The following SMARCB1 variants were observed in gnomAD, a reference collection of about 807,000 sequenced individuals.
SMARCB1 encodes SWI/SNF related BAF chromatin remodeling complex subunit B1, also known as SWI/SNF-related matrix-associated actin-dependent regulator of chromatin subfamily B member 1.
A neutral mutation model predicts 49.0 loss-of-function variants in SMARCB1; 5 were observed. That is an observed-to-expected ratio of 0.10 (90% CI 0.05 to 0.21). SMARCB1 has a LOEUF of 0.21. Ranked by LOEUF, SMARCB1 falls within the 10% of genes least tolerant of loss-of-function variation. SMARCB1 has a pLI of 1.00. For synonymous variants in SMARCB1, 201 were observed against 200.1 expected (o/e 1.00, Z -0.04); for missense variants, 226 against 509.2 (o/e 0.44, Z 5.35).
intron 6 of SMARCB1, chr22:23,817,627 A>C (rs1327442238): frequency 1.3e-5 from 2 of 152,746 alleles, no homozygotes; most frequent in Admixed American, 6.5e-5. Context: ...AGGGTTCCTG[A>C]AAATAGTCTT....
At chr22:23,787,618 C>T (rs140066177) in intron 1 of SMARCB1, among the ~76,000 whole-genome samples, 6 of 152,240 alleles carry the variant, frequency 3.9e-5, no homozygotes, top group African/African-American at 9.6e-5. Context: ...TGCCTTTGAC[C>T]CTTTTTAGAT....
rs372138437 is a variant in SMARCB1, at chr22:23,836,974, G to A, written c.*2794G>A. The A allele has an allele frequency of 4.2e-5, 68 of 1,603,342 alleles. No individual in the cohort carries two copies. Among genetic ancestry groups the A allele is most frequent in the Middle Eastern group, 3.3e-4 (2 of 5,978 alleles). On this transcript the variant is annotated 3_prime_UTR_variant, in exon 9 of 9. Transcript: ENST00000644036. ...CCAGGAGCAGCTTTCTGTGGGGAGGGGCCCGTGTTGAGCACAGGCCAGCAC... is the reference window on the plus strand; with the variant it reads ...CCAGGAGCAGCTTTCTGTGGGGAGGAGCCCGTGTTGAGCACAGGCCAGCAC...
At chr22:23,790,580 C>T (rs943235142) in intron 1 of SMARCB1, among the ~76,000 whole-genome samples, 3 of 152,096 alleles carry the variant, frequency 2.0e-5, no homozygotes, top group African/African-American at 7.2e-5. Context: ...ATGTGGCTCA[C>T]ACCCGTAATC....
intron 3 of SMARCB1, among the ~76,000 whole-genome samples, chr22:23,797,679 G>A (rs5760025): frequency 0.59 from 83,571 of 141,892 alleles, 27,457 homozygotes; most frequent in Non-Finnish European, 0.72. Flanking sequence ...GTGAAGTGGC[G>A]GGATCTCAGC....
At chr22:23,812,865 A>AT (rs34368167) in intron 5 of SMARCB1, among the ~76,000 whole-genome samples, 92,222 of 137,722 alleles carry the variant, frequency 0.67, 32,593 homozygotes, top group Non-Finnish European at 0.8. Flanking sequence ...TCCTGTTGCT[A>AT]TTTTTTTTTT....
chr22:23,805,188 C>G (rs1431119335), intron 5 of SMARCB1, among the ~76,000 whole-genome samples: 1 of 152,200 alleles, frequency 6.6e-6, no homozygotes, highest in Non-Finnish European at 1.5e-5. Flanking sequence ...GTGCCGGGTG[C>G]TTGTCCCGTA....
chr22:23,837,196 C>T lies in SMARCB1; in HGVS notation c.*3016C>T. On this transcript the variant is annotated 3_prime_UTR_variant, in exon 9 of 9. Transcript: ENST00000644036. Reference sequence around the variant, plus strand: ...GACTGTGGGGTCACCCTCCACAGCCCAGAGTCCTAGACCAGCAGAGCCTGC... The same window carrying T: ...GACTGTGGGGTCACCCTCCACAGCCTAGAGTCCTAGACCAGCAGAGCCTGC... The T allele has an allele frequency of 6.2e-7, 1 of 1,608,664 alleles. No individual in the cohort carries two copies. Among genetic ancestry groups the T allele is most frequent in the Non-Finnish European group, 8.5e-7 (1 of 1,177,674 alleles).
At chr22:23,799,076 A>C (rs1321354312) in intron 3 of SMARCB1, among the ~76,000 whole-genome samples, 1 of 150,848 alleles carries the variant, frequency 6.6e-6, no homozygotes, top group African/African-American at 2.4e-5. Flanking sequence ...AAAGTTTGTC[A>C]TGACTTGCTC....
intron 3 of SMARCB1, among the ~76,000 whole-genome samples, 159 bp from the exon 4 acceptor site, chr22:23,800,785 G>T (rs1296101104): frequency 6.6e-6 from 1 of 152,158 alleles, no homozygotes; most frequent in South Asian, 2.1e-4. Context: ...ATGACAGCCT[G>T]GGGAGCAGGC....
chr22:23,822,357 G>C (rs2030139050), intron 6 of SMARCB1, among the ~76,000 whole-genome samples: 1 of 152,176 alleles, frequency 6.6e-6, no homozygotes, highest in African/African-American at 2.4e-5. Context: ...GTCAGGGCTG[G>C]GGAGGTGGGC....
Position 23,792,383 on chromosome 22 carries a change from C to T in SMARCB1, c.232+489C>T, listed in dbSNP as rs1928441233. 3 of 293,820 alleles carry T rather than the reference C, an allele frequency of 1.0e-5. No homozygotes were observed. In the Admixed American group the frequency reaches 1.4e-4, roughly 14 times the overall value. The allele number at this position is 293,820 out of a possible 1,614,324, so 18.2% of individuals were successfully genotyped here. On this transcript the variant is annotated intron_variant, in intron 2 of 8. Coordinates refer to ENST00000644036, the MANE Select transcript of SMARCB1 (RefSeq NM_003073.5). ...ATGTGCATGTCCCTGCTCCTGGTGG[C>T]CTGCGTGTGCCTGGGGCTTGCTAGG...
Position 23,833,764 on chromosome 22 carries a change from C to T in SMARCB1, c.1118+61C>T, listed in dbSNP as rs564609719. Reference sequence around the variant, plus strand: ...AGGCACCTGGCTTTCCAGGCAGAGGCAGGGCCATTGCCTTTCCCAGTCTCC... The same window carrying T: ...AGGCACCTGGCTTTCCAGGCAGAGGTAGGGCCATTGCCTTTCCCAGTCTCC... On this transcript the variant is annotated intron_variant, in intron 8 of 8. Transcript: ENST00000644036. The T allele has an allele frequency of 5.0e-6, 8 of 1,587,664 alleles. No individual in the cohort carries two copies. The African/African-American group carries it at 9.4e-5, about 19-fold the overall frequency.
In SMARCB1 at chr22:23,834,659, G is replaced by A; in HGVS notation, c.*479G>A. ...CTCCTCTGCCTCAGATTCCCAAGTG[G>A]GCAGGTGGGGGTGAATGGGGCTCCG... is the stretch of plus-strand genomic sequence containing the variant. On this transcript the variant is annotated 3_prime_UTR_variant, in exon 9 of 9. Transcript: ENST00000644036. The A allele has an allele frequency of 1.0e-6, 1 of 970,644 alleles. No homozygotes were observed. The highest frequency in any genetic ancestry group is 1.5e-6 in the Non-Finnish European group (1 of 658,140). 60.1% of individuals were successfully genotyped at this position (970,644 alleles called of 1,614,324 possible). A position where few individuals can be genotyped will look rare whatever the true frequency, so the allele number is the denominator to read the frequency against.
At chr22:23,803,899 C>T in intron 5 of SMARCB1, 1 of 238,818 alleles carries the variant, frequency 4.2e-6, no homozygotes, top group South Asian at 6.1e-5. Flanking sequence ...TCTTCCTGGG[C>T]TTCCAAAGCC....
chr22:23,816,349 A>G, intron 5 of SMARCB1: 1 of 323,034 alleles, frequency 3.1e-6, no homozygotes, highest in South Asian at 3.1e-5. Flanking sequence ...TTTTGCTCAC[A>G]TGAGGCCTGG....
chr22:23,834,411 G>A lies in SMARCB1; in HGVS notation c.*231G>A. 2 of 701,554 alleles carry A rather than the reference G, an allele frequency of 2.9e-6. No homozygotes were observed. Among genetic ancestry groups the A allele is most frequent in the Non-Finnish European group, 5.2e-6 (2 of 385,882 alleles). 43.5% of individuals were successfully genotyped at this position (701,554 alleles called of 1,614,324 possible). A position where few individuals can be genotyped will look rare whatever the true frequency, so the allele number is the denominator to read the frequency against. ...ACCCCTCCCCAGTCTCTGGGGTCAG[G>A]AAGAAACCTTATTTTAGGTTGTGTT... On this transcript the variant is annotated 3_prime_UTR_variant, in exon 9 of 9. Transcript: ENST00000644036.
At chr22:23,809,700 C>T (rs1186845145) in intron 5 of SMARCB1, among the ~76,000 whole-genome samples, 6 of 151,790 alleles carry the variant, frequency 4.0e-5, no homozygotes, top group South Asian at 2.1e-4. Context: ...CATGAGCCAC[C>T]GCGCCCAGCC....
Position 23,801,383 on chromosome 22 carries a change from C to G in SMARCB1, c.500+302C>G. ...CTGCCCTCAGTTTCACATGAGTGGG[C>G]CACAGCCAGTCTGATGGTGCAGATG... On this transcript the variant is annotated intron_variant, in intron 4 of 8. Coordinates refer to ENST00000644036, the MANE Select transcript of SMARCB1 (RefSeq NM_003073.5). 5 of 670,650 alleles carry G rather than the reference C, an allele frequency of 7.5e-6. No homozygotes were observed. In the Admixed American group the frequency reaches 1.0e-4, roughly 14 times the overall value. The allele number at this position is 670,650 out of a possible 1,614,324, so 41.5% of individuals were successfully genotyped here.
In SMARCB1 at chr22:23,837,376, A is replaced by G; in HGVS notation, c.*3196A>G. On this transcript the variant is annotated 3_prime_UTR_variant, in exon 9 of 9. Coordinates refer to ENST00000644036, the MANE Select transcript of SMARCB1 (RefSeq NM_003073.5). ...CCCAGGGAGGGGAGGGCCTGAGAAT[A>G]GTGGAGGAGTGGGAGCCATGGGGCA... The G allele has an allele frequency of 1.5e-6, 1 of 666,034 alleles. No homozygotes were observed. Among genetic ancestry groups the G allele is most frequent in the Non-Finnish European group, 2.5e-6 (1 of 394,996 alleles). The allele number at this position is 666,034 out of a possible 1,614,324, so 41.3% of individuals were successfully genotyped here. A position where few individuals can be genotyped will look rare whatever the true frequency, so the allele number is the denominator to read the frequency against.
Sources: allele counts gnomAD v4.1 joint callset (sites outside exome capture counted in the v4.1 genomes callset), GRCh38; gene constraint gnomAD v4.1.1; transcripts MANE v1.5; gene names NCBI Gene and HGNC (gene_info 2026-07-23, HGNC 2026-07-21).